Variants in TPD52L1 observed in about 807,000 individuals in gnomAD.
The protein encoded by TPD52L1 is tumor protein D53.
TPD52L1 carries 18 observed loss-of-function variants against 28.7 expected under a neutral mutation model. That is an observed-to-expected ratio of 0.63 (90% CI 0.43 to 0.93). TPD52L1 has a LOEUF of 0.93. TPD52L1 is among the 40% of genes least tolerant of loss of function. TPD52L1 has a pLI of 0.00. For missense variants in TPD52L1, 203 were observed against 254.8 expected (o/e 0.80, Z 1.39); for synonymous variants, 75 against 88.8 (o/e 0.84, Z 0.88).
At chr6:125,211,882 G>A (rs954388187) in intron 1 of TPD52L1, among the ~76,000 whole-genome samples, 4 of 152,160 alleles carry the variant, frequency 2.6e-5, no homozygotes, top group African/African-American at 9.7e-5. Context: ...AATGATGAAC[G>A]TTCTTAAGAA....
At chr6:125,167,147 C>T (rs138105004) in intron 1 of TPD52L1, among the ~76,000 whole-genome samples, 1 of 152,112 alleles carries the variant, frequency 6.6e-6, no homozygotes, top group Non-Finnish European at 1.5e-5. Flanking sequence ...TGCCTGTAGT[C>T]CCACTACTCA....
intron 2 of TPD52L1, among the ~76,000 whole-genome samples, chr6:125,227,856 T>G (rs1472221579): frequency 6.6e-6 from 1 of 152,254 alleles, no homozygotes; most frequent in African/African-American, 2.4e-5. Flanking sequence ...AATTTTATAG[T>G]GCTGAAGAGA....
chr6:125,181,995 CA>C (rs1792224726), intron 1 of TPD52L1, among the ~76,000 whole-genome samples: 2 of 152,182 alleles, frequency 1.3e-5, no homozygotes, highest in South Asian at 2.1e-4. Flanking sequence ...CCCTTCATGT[CA>C]GTTTTTATGG....
In TPD52L1 at chr6:125,153,815, G is replaced by A. The variant is rs1448267195; in HGVS notation, c.-137G>A. On this transcript the variant is annotated 5_prime_UTR_variant, in exon 1 of 7. Transcript: ENST00000534000. ...GCTGCCTGCGTCCCCAACCCCCTCC[G>A]CGCAGCGCTCGCGACACGCGTGCCA... The A allele has an allele frequency of 4.9e-6, 5 of 1,023,856 alleles. No individual in the cohort carries two copies. Among genetic ancestry groups the A allele is most frequent in the Admixed American group, 3.0e-5 (1 of 33,514 alleles). The allele number at this position is 1,023,856 out of a possible 1,614,324, so 63.4% of individuals were successfully genotyped here. A position where few individuals can be genotyped will look rare whatever the true frequency, so the allele number is the denominator to read the frequency against.
chr6:125,254,396 G>A (rs1465816983), intron 5 of TPD52L1, among the ~76,000 whole-genome samples: 1 of 152,118 alleles, frequency 6.6e-6, no homozygotes, highest in Admixed American at 6.5e-5. Flanking sequence ...AGAAAATGCA[G>A]GCTCTAGCCC....
chr6:125,172,145 TTTCTTTC>T (rs1316812178), intron 1 of TPD52L1, among the ~76,000 whole-genome samples: 6 of 79,016 alleles, frequency 7.6e-5, no homozygotes, highest in Non-Finnish European at 1.1e-4. Context: ...TCTTTCTTTC[TTTCTTTC>T]TTTCTTTTCT....
At chr6:125,241,726 A>G (rs1005994041) in intron 3 of TPD52L1, among the ~76,000 whole-genome samples, 2 of 151,884 alleles carry the variant, frequency 1.3e-5, no homozygotes, top group African/African-American at 4.8e-5. Flanking sequence ...TTCTTGGTTA[A>G]TCTTGCTAAT....
chr6:125,178,155 A>T lies in TPD52L1; in HGVS notation c.19+24185A>T, dbSNP rs151239182. ...TATTCAAGTGCCTTGTCACAAAACGACTAGTTCTATGATTTTGCTTTATTT... is the reference window on the plus strand; with the variant it reads ...TATTCAAGTGCCTTGTCACAAAACGTCTAGTTCTATGATTTTGCTTTATTT... On this transcript the variant is annotated intron_variant, in intron 1 of 6. Coordinates refer to ENST00000534000, the MANE Select transcript of TPD52L1 (RefSeq NM_003287.4). 1.1e-3 allele frequency among the ~76,000 whole-genome samples: 168 copies of T among 152,302 alleles called. No homozygotes were observed. The South Asian group carries it at 0.017, about 15-fold the overall frequency.
At chr6:125,204,930 A>ATTC (rs1747160222) in intron 1 of TPD52L1, among the ~76,000 whole-genome samples, 2 of 152,240 alleles carry the variant, frequency 1.3e-5, no homozygotes, top group Non-Finnish European at 2.9e-5. Flanking sequence ...AGGAAGAAAA[A>ATTC]GACAATGAAT....
intron 1 of TPD52L1, among the ~76,000 whole-genome samples, chr6:125,194,939 A>G (rs1793315055): frequency 6.6e-6 from 1 of 152,234 alleles, no homozygotes; most frequent in Non-Finnish European, 1.5e-5. Flanking sequence ...TATAAACACC[A>G]GCTCCAAAGG....
At chr6:125,223,885 G>T (rs1795422191) in intron 2 of TPD52L1, among the ~76,000 whole-genome samples, 1 of 151,932 alleles carries the variant, frequency 6.6e-6, no homozygotes, top group South Asian at 2.1e-4. Context: ...TTTATAATTA[G>T]CTTGAGTTAT....
At chr6:125,189,351 T>C (rs970399269) in intron 1 of TPD52L1, among the ~76,000 whole-genome samples, 2 of 152,210 alleles carry the variant, frequency 1.3e-5, no homozygotes, top group African/African-American at 2.4e-5. Flanking sequence ...GTGACTTATG[T>C]ACAGGCATTT....
intron 1 of TPD52L1, among the ~76,000 whole-genome samples, chr6:125,212,489 T>C (rs1213319858): frequency 6.6e-6 from 1 of 152,242 alleles, no homozygotes; most frequent in Non-Finnish European, 1.5e-5. Flanking sequence ...AGCCACCACC[T>C]ACTCCACAGG....
chr6:125,154,632 G>A, intron 1 of TPD52L1: 1 of 700,092 alleles, frequency 1.4e-6, no homozygotes, highest in Non-Finnish European at 1.8e-6. Context: ...GCCTGCTGGA[G>A]GAGCCTGCGG....
chr6:125,181,844 G>A (rs1450176809), intron 1 of TPD52L1, among the ~76,000 whole-genome samples: 1 of 152,162 alleles, frequency 6.6e-6, no homozygotes, highest in African/African-American at 2.4e-5. Context: ...GGATAACTGG[G>A]AGCAAGTCAG....
At chr6:125,194,023 GTTTT>G (rs3040726) in intron 1 of TPD52L1, among the ~76,000 whole-genome samples, 1,553 of 124,104 alleles carry the variant, frequency 0.013, 10 homozygotes, top group Admixed American at 0.015. Context: ...CTTCTGAATA[GTTTT>G]TTTTTTTTTT....
intron 1 of TPD52L1, among the ~76,000 whole-genome samples, chr6:125,180,562 T>TTA (rs3839550): frequency 0.093 from 14,040 of 150,628 alleles, 1,337 homozygotes; most frequent in African/African-American, 0.25. Flanking sequence ...CACACATATA[T>TTA]TATATATACA....
chr6:125,227,585 G>A (rs1035036648), intron 2 of TPD52L1, among the ~76,000 whole-genome samples: 1 of 152,182 alleles, frequency 6.6e-6, no homozygotes, highest in African/African-American at 2.4e-5. Context: ...TTACCTCCAT[G>A]CATGTGGGAT....
chr6:125,181,905 G>T (rs965986), intron 1 of TPD52L1, among the ~76,000 whole-genome samples: 5,709 of 152,246 alleles, frequency 0.037, 356 homozygotes, highest in East Asian at 0.33. Context: ...GGGATATTAG[G>T]ATAATTTTAG....
Sources: allele counts gnomAD v4.1 joint callset (sites outside exome capture counted in the v4.1 genomes callset), GRCh38; gene constraint gnomAD v4.1.1; transcripts MANE v1.5; gene names NCBI Gene and HGNC (gene_info 2026-07-23, HGNC 2026-07-21).